The following DAP variants were observed in gnomAD, a reference collection of about 807,000 sequenced individuals.
DAP encodes death-associated protein 1.
DAP carries 8 observed loss-of-function variants against 13.8 expected under a neutral mutation model. The observed-to-expected ratio is 0.58, with a 90% CI of 0.34 to 1.05. The LOEUF is 1.05. Ranked by LOEUF, DAP falls within the 50% of genes least tolerant of loss-of-function variation. DAP has a pLI of 0.03. For synonymous variants in DAP, 47 were observed against 47.5 expected (o/e 0.99, Z 0.04); for missense variants, 106 against 133.2 (o/e 0.80, Z 1.01).
intron 2 of DAP, among the ~76,000 whole-genome samples, chr5:10,739,959 G>C (rs539168292): frequency 6.6e-6 from 1 of 152,064 alleles, no homozygotes; most frequent in Non-Finnish European, 1.5e-5. Flanking sequence ...AAAGACCCTC[G>C]AAGAAGTGAT....
intron 1 of DAP, among the ~76,000 whole-genome samples, chr5:10,759,944 G>A (rs1383844092): frequency 6.6e-6 from 1 of 151,804 alleles, no homozygotes; most frequent in Non-Finnish European, 1.5e-5. Context: ...TAGTAGAGAT[G>A]GGGTTTCACC....
At chr5:10,696,330 A>C (rs866119000) in intron 2 of DAP, among the ~76,000 whole-genome samples, 1 of 150,952 alleles carries the variant, frequency 6.6e-6, no homozygotes, top group African/African-American at 2.4e-5. Flanking sequence ...GCCAGGGAAT[A>C]GGGGGTGTGG....
At chr5:10,705,571 G>A (rs770333383) in intron 2 of DAP, among the ~76,000 whole-genome samples, 1 of 152,214 alleles carries the variant, frequency 6.6e-6, no homozygotes, top group Non-Finnish European at 1.5e-5. Context: ...TCCATGCAGG[G>A]CCACATGCCC....
At chr5:10,749,096 C>T (rs1214815653) in intron 1 of DAP, among the ~76,000 whole-genome samples, 1 of 152,198 alleles carries the variant, frequency 6.6e-6, no homozygotes, top group African/African-American at 2.4e-5. Flanking sequence ...TGGCTCCTTG[C>T]ACTTAGCGTG....
intron 2 of DAP, among the ~76,000 whole-genome samples, chr5:10,739,201 C>CAAAAAAAAAAAAAAAAAAAA (rs10644743): frequency 2.8e-5 from 2 of 71,604 alleles, no homozygotes; most frequent in African/African-American, 5.6e-5. Flanking sequence ...GACTCTGAAT[C>CAAAAAAAAAAAAAAAAAAAA]AAAAAAAAAA....
At position 10,761,226 on chromosome 5, in the gene DAP, A is replaced by G. The variant is rs1269510866; in HGVS notation, c.-158T>C. On this transcript the variant is annotated 5_prime_UTR_variant, in exon 1 of 4. Transcript: ENST00000230895. The stretch of plus-strand genomic sequence containing the variant: ...GGGCCGCGCGAGCCGGGTGAGTGCC[A>G]CTGCCGTTAAGGGGGCGCGGCCGCC... 1.7e-5 allele frequency: 4 copies of G among 235,618 alleles called. No homozygotes were observed. The East Asian group carries it at 3.3e-4, about 19-fold the overall frequency. 14.6% of individuals were successfully genotyped at this position (235,618 alleles called of 1,614,324 possible).
chr5:10,748,027 C>T, intron 2 of DAP, 148 bp downstream of exon 2: 1 of 617,442 alleles, frequency 1.6e-6, no homozygotes, highest in Non-Finnish European at 2.9e-6. Context: ...AAAGCCCCCT[C>T]CTCCCTGATT....
intron 2 of DAP, among the ~76,000 whole-genome samples, chr5:10,747,815 C>A (rs1260277648): frequency 2.0e-5 from 3 of 152,176 alleles, no homozygotes; most frequent in Non-Finnish European, 4.4e-5. Context: ...GCTGCTCCTG[C>A]TTGGCTTGGC....
intron 2 of DAP, among the ~76,000 whole-genome samples, chr5:10,719,243 T>A (rs1739073245): frequency 1.3e-5 from 2 of 152,196 alleles, no homozygotes; most frequent in South Asian, 4.1e-4. Flanking sequence ...GTTACTCTGG[T>A]CCATTTATCA....
intron 2 of DAP, among the ~76,000 whole-genome samples, chr5:10,747,499 G>T (rs546320086): frequency 6.6e-6 from 1 of 152,314 alleles, no homozygotes; most frequent in African/African-American, 2.4e-5. Flanking sequence ...GGGAGGAAAT[G>T]CTTCAACCAT....
rs114836896 is a variant in DAP at position 10,725,909 on chromosome 5, G to A, written c.152+22266C>T. Reference sequence around the variant, plus strand: ...AGTCCCACCACTTACCTTGTAGGATGTGAAGACTAATAAGACTAAGTATGT... The same window carrying A: ...AGTCCCACCACTTACCTTGTAGGATATGAAGACTAATAAGACTAAGTATGT... On this transcript the variant is annotated intron_variant, in intron 2 of 3. Coordinates refer to ENST00000230895, the MANE Select transcript of DAP (RefSeq NM_004394.3). 4.5e-3 allele frequency among the ~76,000 whole-genome samples: 687 copies of A among 152,334 alleles called. 4 individuals are homozygous for A. The highest frequency in any genetic ancestry group is 0.015 in the African/African-American group (631 of 41,562).
intron 2 of DAP, among the ~76,000 whole-genome samples, chr5:10,718,709 T>C (rs1334440004): frequency 6.6e-6 from 1 of 152,220 alleles, no homozygotes; most frequent in African/African-American, 2.4e-5. Flanking sequence ...CTTGAGCAAA[T>C]TAACACATCT....
At chr5:10,722,876 A>C (rs1033352834) in intron 2 of DAP, among the ~76,000 whole-genome samples, 10 of 152,112 alleles carry the variant, frequency 6.6e-5, no homozygotes, top group Non-Finnish European at 1.5e-4. Flanking sequence ...TACAGACTGC[A>C]CTTAAGAAGG....
intron 2 of DAP, among the ~76,000 whole-genome samples, chr5:10,685,945 A>C (rs925853219): frequency 8.5e-5 from 13 of 152,078 alleles, no homozygotes; most frequent in African/African-American, 2.4e-4. Flanking sequence ...CACACAAACA[A>C]ACACCTTGTT....
intron 2 of DAP, chr5:10,734,011 A>G (rs1739539572): frequency 6.6e-6 from 1 of 152,238 alleles, no homozygotes; most frequent in South Asian, 2.1e-4. Flanking sequence ...AAATCCAAGC[A>G]CTGGAGAGTT....
chr5:10,713,171 C>CAA (rs921260700), intron 2 of DAP, among the ~76,000 whole-genome samples: 1 of 152,138 alleles, frequency 6.6e-6, no homozygotes, highest in Admixed American at 6.5e-5. Context: ...GCTCCATAAT[C>CAA]GATTCCTAGG....
chr5:10,746,121 G>C (rs1352571548), intron 2 of DAP, among the ~76,000 whole-genome samples: 1 of 152,130 alleles, frequency 6.6e-6, no homozygotes, highest in African/African-American at 2.4e-5. Context: ...ATTCTCCTAG[G>C]GGGTACTATG....
In DAP at chr5:10,748,158, C is replaced by T. The variant is rs752341919; in HGVS notation, c.152+17G>A. ...GTTTTTGGAAAACATGCTCAAGAGT[C>T]GCTAGCATCATCCCACCTGGGGCTT... On this transcript the variant is annotated intron_variant, in intron 2 of 3. Coordinates refer to ENST00000230895, the MANE Select transcript of DAP (RefSeq NM_004394.3). 1.5e-5 allele frequency: 23 copies of T among 1,557,618 alleles called. No individual in the cohort carries two copies. Among genetic ancestry groups the T allele is most frequent in the African/African-American group, 6.8e-5 (5 of 73,776 alleles).
intron 2 of DAP, among the ~76,000 whole-genome samples, chr5:10,690,943 C>T (rs767470246): frequency 2.5e-4 from 38 of 151,926 alleles, no homozygotes; most frequent in Non-Finnish European, 4.7e-4. Context: ...TGCCAACGCT[C>T]GTTGTTTTCT....
Sources: allele counts gnomAD v4.1 joint callset (sites outside exome capture counted in the v4.1 genomes callset), GRCh38; gene constraint gnomAD v4.1.1; transcripts MANE v1.5; gene names NCBI Gene and HGNC (gene_info 2026-07-23, HGNC 2026-07-21).